MECOM: variants seen among roughly 807,000 people sequenced by gnomAD.
MECOM encodes histone-lysine N-methyltransferase MECOM.
In MECOM, 13 loss-of-function variants were observed where a neutral mutation model predicts 116.3. The observed-to-expected ratio is 0.11, with a 90% confidence interval of 0.07 to 0.18. MECOM has a LOEUF of 0.18. Ranked by LOEUF, MECOM falls within the 10% of genes least tolerant of loss-of-function variation. The pLI is 1.00. For missense variants in MECOM, 1,299 were observed against 1,509.0 expected (o/e 0.86, Z 2.31); for synonymous variants, 528 against 535.2 (o/e 0.99, Z 0.19).
At chr3:169,156,085 T>C (rs1427506285) in intron 2 of MECOM, among the ~76,000 whole-genome samples, 1 of 152,202 alleles carries the variant, frequency 6.6e-6, no homozygotes, top group Non-Finnish European at 1.5e-5. Context: ...TTCTAATTGG[T>C]TATTAGAAAA....
At chr3:169,478,143 G>C (rs1226419565) in intron 1 of MECOM, among the ~76,000 whole-genome samples, 5 of 152,206 alleles carry the variant, frequency 3.3e-5, no homozygotes, top group Non-Finnish European at 5.9e-5. Context: ...ATCTGACAAA[G>C]AGAGACATCC....
At chr3:169,561,963 T>C (rs1051499000) in intron 1 of MECOM, among the ~76,000 whole-genome samples, 2 of 151,600 alleles carry the variant, frequency 1.3e-5, no homozygotes, top group African/African-American at 4.9e-5. Context: ...CTGGCCAACA[T>C]GGTGAAATCC....
At position 169,115,598 on chromosome 3, in the gene MECOM, G is replaced by A. The variant is rs1032535132; in HGVS notation, c.2274C>T (p.Pro758=). ...RKDEKPLTPV[P]SKPPVTPATS... ...TGGCAGGTGTCACTGGAGGCTTGGA[G>A]GGGACTGGAGTCAAGGGCTTCTCAT... Residue 758 remains proline, a synonymous_variant, in exon 8 of 17, where the codon CCC becomes CCT. Coordinates refer to ENST00000651503, the MANE Select transcript of MECOM (RefSeq NM_004991.4). The A allele has an allele frequency of 9.3e-6, 15 of 1,614,012 alleles. No homozygotes were observed. The African/African-American group carries it at 9.3e-5, about 10-fold the overall frequency.
In MECOM at chr3:169,201,523, C is replaced by A. The variant is rs544476440; in HGVS notation, c.376-57691G>T. Among the ~76,000 whole-genome samples, 6 of 152,152 alleles carry A rather than the reference C, an allele frequency of 3.9e-5. No homozygotes were observed. The South Asian group carries it at 1.0e-3, about 26-fold the overall frequency. On this transcript the variant is annotated intron_variant, in intron 2 of 16. Transcript: ENST00000651503. Reference sequence around the variant, plus strand: ...TACCCTCAAGCTAGAGTAATAGATACCTGACCCATTTTAAAAAGGAAGAGG... The same window carrying A: ...TACCCTCAAGCTAGAGTAATAGATAACTGACCCATTTTAAAAAGGAAGAGG...
At chr3:169,390,583 G>T (rs1204553757) in intron 1 of MECOM, among the ~76,000 whole-genome samples, 3 of 152,124 alleles carry the variant, frequency 2.0e-5, no homozygotes, top group African/African-American at 7.2e-5. Context: ...AAAAAAAAGT[G>T]TTTAAAGGTG....
intron 2 of MECOM, among the ~76,000 whole-genome samples, chr3:169,167,828 C>T (rs1056305630): frequency 2.0e-5 from 3 of 151,972 alleles, no homozygotes; most frequent in Non-Finnish European, 4.4e-5. Flanking sequence ...ATAAAACATA[C>T]TAGAATCTAC....
At chr3:169,398,537 T>C (rs1031439220) in intron 1 of MECOM, among the ~76,000 whole-genome samples, 1 of 152,200 alleles carries the variant, frequency 6.6e-6, no homozygotes. Context: ...CCACATCTTT[T>C]TGAGGACCTC....
intron 2 of MECOM, among the ~76,000 whole-genome samples, chr3:169,361,027 C>A (rs1271965084): frequency 6.6e-6 from 1 of 151,572 alleles, no homozygotes. Flanking sequence ...GTGCTGGGGG[C>A]CAAATTAAGG....
At chr3:169,166,411 G>A (rs1479737085) in intron 2 of MECOM, among the ~76,000 whole-genome samples, 2 of 152,010 alleles carry the variant, frequency 1.3e-5, no homozygotes, top group South Asian at 2.1e-4. Context: ...ACGTCACTCC[G>A]AACAAATGCA....
At chr3:169,146,703 A>G (rs1740059055) in intron 2 of MECOM, 1 of 1,262,392 alleles carries the variant, frequency 7.9e-7, no homozygotes, top group Non-Finnish European at 1.0e-6. Context: ...TTTTCCTTTT[A>G]AAGTGAGGAG....
At chr3:169,378,458 CAAGCAAGCAAGCAAGCAAGAAAGA>C (rs1560196866) in intron 2 of MECOM, among the ~76,000 whole-genome samples, 458 of 41,826 alleles carry the variant, frequency 0.011, 67 homozygotes, top group Admixed American at 0.078. Flanking sequence ...AGAAGGAAAG[CAAGCAAGCAAGCAAGCAAGAAAGA>C]GAGAGAGAAA....
chr3:169,478,034 C>T (rs1166361580), intron 1 of MECOM, among the ~76,000 whole-genome samples: 1 of 152,084 alleles, frequency 6.6e-6, no homozygotes, highest in African/African-American at 2.4e-5. Context: ...GGGAGGTCAA[C>T]GGTGAACAAA....
At chr3:169,660,230 C>CTT (rs909407177) in intron 1 of MECOM, among the ~76,000 whole-genome samples, 109 of 152,160 alleles carry the variant, frequency 7.2e-4, no homozygotes, top group African/African-American at 2.4e-3. Context: ...GTCGGTTTGG[C>CTT]TTTTGGTTTT....
intron 2 of MECOM, among the ~76,000 whole-genome samples, chr3:169,287,579 T>C (rs1204887300): frequency 6.6e-6 from 1 of 152,176 alleles, no homozygotes; most frequent in African/African-American, 2.4e-5. Context: ...ACATGGGTAG[T>C]TGTTACTGTG....
rs77781761 is a variant in MECOM, at chr3:169,336,076, T to C, written c.375+45111A>G. Among the ~76,000 whole-genome samples the C allele has an allele frequency of 4.9e-3, 741 of 152,250 alleles. 2 individuals are homozygous for C. The highest frequency in any genetic ancestry group is 8.8e-3 in the Non-Finnish European group (600 of 67,994). On this transcript the variant is annotated intron_variant, in intron 2 of 16. Transcript: ENST00000651503. ...TGGCTTTCTGGATTCATCTTTGGTG[T>C]TACTGTTTCTAATATCATTTTATAT...
chr3:169,472,508 G>A (rs200311498), intron 1 of MECOM, among the ~76,000 whole-genome samples: 1,087 of 83,944 alleles, frequency 0.013, 37 homozygotes, highest in African/African-American at 0.031. Flanking sequence ...GAAAGGAAAG[G>A]AAAGGAAAGG....
chr3:169,406,549 T>C (rs1736722398), intron 1 of MECOM, among the ~76,000 whole-genome samples: 1 of 152,224 alleles, frequency 6.6e-6, no homozygotes, highest in Admixed American at 6.5e-5. Context: ...GTTTGTGTTA[T>C]GAAGCTGGCT....
chr3:169,399,296 G>A (rs1735498468), intron 1 of MECOM, among the ~76,000 whole-genome samples: 6 of 152,158 alleles, frequency 3.9e-5, no homozygotes, highest in Admixed American at 3.3e-4. Flanking sequence ...GTTTTTGAAA[G>A]CTGTACTTTG....
At position 169,514,632 on chromosome 3, in the gene MECOM, C is replaced by G. The variant is rs533064701; in HGVS notation, c.38-133108G>C. 5.5e-4 allele frequency among the ~76,000 whole-genome samples: 83 copies of G among 152,182 alleles called. 1 individual carries two copies. Among genetic ancestry groups the G allele is most frequent in the Non-Finnish European group, 1.1e-3 (72 of 68,036 alleles). ...AGATAATTTTCAATTTTAAACAGTGCTAGATTTGATTGTAAAAATGTCTCT... is the reference window on the plus strand; with the variant it reads ...AGATAATTTTCAATTTTAAACAGTGGTAGATTTGATTGTAAAAATGTCTCT... On this transcript the variant is annotated intron_variant, in intron 1 of 16. Transcript: ENST00000651503.
Sources: allele counts gnomAD v4.1 joint callset (sites outside exome capture counted in the v4.1 genomes callset), GRCh38; gene constraint gnomAD v4.1.1; transcripts MANE v1.5; gene names NCBI Gene and HGNC (gene_info 2026-07-23, HGNC 2026-07-21).